Variants in TRPM7 observed in about 807,000 individuals in gnomAD.
The protein encoded by TRPM7 is LTRPC ion channel family member 7.
TRPM7 carries 134 observed loss-of-function variants against 229.7 expected under a neutral mutation model. The ratio of observed to expected loss-of-function variants is 0.58; its 90% CI spans 0.51 to 0.67. The LOEUF (loss-of-function observed/expected upper bound fraction) is 0.67. TRPM7 is among the 30% of genes least tolerant of loss of function. TRPM7 has a pLI of 0.00. For synonymous variants in TRPM7, 699 were observed against 715.2 expected, an observed-to-expected ratio of 0.98 and a Z score of 0.36; for missense variants, 1,901 against 2,210.0, an observed-to-expected ratio of 0.86 and a Z score of 2.80.
At chr15:50,587,966 CTTCT>C (rs962524856) in intron 27 of TRPM7, among the ~76,000 whole-genome samples, 3 of 152,138 alleles carry the variant, frequency 2.0e-5, no homozygotes, top group African/African-American at 7.2e-5. Context: ...TCCCGCTTTT[CTTCT>C]TTCTCTTTTT....
At chr15:50,612,400 ATATATACT>A (rs1274504739) in intron 16 of TRPM7, 141 bp downstream of exon 16, 54 of 530,446 alleles carry the variant, frequency 1.0e-4, no homozygotes, top group Non-Finnish European at 1.4e-4. Context: ...AATTAAAAAA[ATATATACT>A]TATATAATTT....
chr15:50,649,279 A>T (rs1207511093), intron 3 of TRPM7, among the ~76,000 whole-genome samples: 1 of 152,112 alleles, frequency 6.6e-6, no homozygotes, highest in African/African-American at 2.4e-5. Context: ...TTGACAAAAA[A>T]TTTTAAAAAA....
chr15:50,574,759 T>C lies in TRPM7; in HGVS notation c.5020-40A>G, dbSNP rs371499519. On this transcript the variant is annotated intron_variant, in intron 34 of 38. Transcript: ENST00000646667. The stretch of plus-strand genomic sequence containing the variant: ...GTGGGGAGAACCCTTGTTTAATATT[T>C]AAACTAAGATTATATTTGGCTTATT... The C allele has an allele frequency of 9.4e-6, 15 of 1,590,430 alleles. No individual in the cohort carries two copies. The African/African-American group carries it at 1.6e-4, about 17-fold the overall frequency.
intron 28 of TRPM7, among the ~76,000 whole-genome samples, chr15:50,585,804 TA>T (rs575871085): frequency 6.6e-6 from 1 of 152,172 alleles, no homozygotes; most frequent in Non-Finnish European, 1.5e-5. Flanking sequence ...TCTTGACTTA[TA>T]AAAAATTATG....
chr15:50,683,163 C>G (rs1173104609), intron 1 of TRPM7, among the ~76,000 whole-genome samples: 1 of 151,642 alleles, frequency 6.6e-6, no homozygotes, highest in Non-Finnish European at 1.5e-5. Context: ...GCTAGGATTA[C>G]AAGCATGAGC....
In TRPM7 at chr15:50,607,261, G is replaced by A. The variant is rs1446742646; in HGVS notation, c.2648C>T (p.Ser883Leu). ...AGCAATAACAATCCATTCTTGAACTGAAGGTAACTGTTCCATTTGTACAAG... is the reference window on the plus strand; with the variant it reads ...AGCAATAACAATCCATTCTTGAACTAAAGGTAACTGTTCCATTTGTACAAG... Reference protein sequence around the residue: ...VVLVQMEQLPSVQEWIVIAYI... With the variant: ...VVLVQMEQLPLVQEWIVIAYI... The change falls in exon 20 of 39, where the codon TCA becomes TTA. Residue 883 changes from serine to leucine, a missense_variant. By Grantham distance (145) the Ser-to-Leu change is moderately radical. Transcript: ENST00000646667. The A allele has an allele frequency of 6.2e-7, 1 of 1,609,082 alleles. No homozygotes were observed. The highest frequency in any genetic ancestry group is 1.1e-5 in the South Asian group (1 of 89,934).
At chr15:50,667,564 G>T (rs2061912243) in intron 1 of TRPM7, among the ~76,000 whole-genome samples, 1 of 152,094 alleles carries the variant, frequency 6.6e-6, no homozygotes, top group Non-Finnish European at 1.5e-5. Flanking sequence ...AAAATTAGCT[G>T]GGAATGGTGC....
chr15:50,659,824 C>T (rs993721139), intron 2 of TRPM7, among the ~76,000 whole-genome samples: 14 of 152,058 alleles, frequency 9.2e-5, no homozygotes, highest in South Asian at 2.1e-4. Flanking sequence ...CCCACCACCA[C>T]GCCCAGCTAG....
intron 3 of TRPM7, among the ~76,000 whole-genome samples, chr15:50,649,923 A>G (rs529189660): frequency 5.3e-5 from 8 of 152,176 alleles, no homozygotes; most frequent in Non-Finnish European, 1.2e-4. Context: ...GGCCAGGTAC[A>G]GTGGCTCACA....
intron 19 of TRPM7, 27 bp from the exon 20 acceptor site, chr15:50,607,355 A>G (rs2059944791): frequency 2.7e-6 from 4 of 1,497,296 alleles, no homozygotes; most frequent in East Asian, 4.7e-5. Flanking sequence ...GGTTACATAA[A>G]TAACATTGGT....
At chr15:50,651,764 C>T (rs2061426567) in intron 3 of TRPM7, among the ~76,000 whole-genome samples, 1 of 152,002 alleles carries the variant, frequency 6.6e-6, no homozygotes, top group South Asian at 2.1e-4. Context: ...GTGGCAGTCG[C>T]CTGTAATCCC....
chr15:50,588,852 T>G (rs150175979), intron 27 of TRPM7, among the ~76,000 whole-genome samples: 1 of 152,348 alleles, frequency 6.6e-6, no homozygotes, highest in East Asian at 1.9e-4. Context: ...TTGAAACTTA[T>G]TTAACAAACA....
At chr15:50,583,618 C>A (rs1012623575) in intron 28 of TRPM7, among the ~76,000 whole-genome samples, 7 of 147,420 alleles carry the variant, frequency 4.7e-5, no homozygotes, top group Non-Finnish European at 8.9e-5. Flanking sequence ...CTCTTGTTGC[C>A]CAGGCTGGAG....
At chr15:50,635,921 G>T (rs2060888438) in intron 7 of TRPM7, among the ~76,000 whole-genome samples, 1 of 151,844 alleles carries the variant, frequency 6.6e-6, no homozygotes, top group Non-Finnish European at 1.5e-5. Context: ...AGAGGTTGCA[G>T]CGAGGTGAGA....
At chr15:50,637,745 G>A in intron 6 of TRPM7, 152 bp from the exon 7 acceptor site, 1 of 759,182 alleles carries the variant, frequency 1.3e-6, no homozygotes, top group Non-Finnish European at 2.0e-6. Flanking sequence ...GTTTCAAAAA[G>A]CGTAAGCTTT....
intron 11 of TRPM7, among the ~76,000 whole-genome samples, chr15:50,627,050 G>T (rs58029369): frequency 3.9e-5 from 6 of 152,048 alleles, no homozygotes; most frequent in African/African-American, 1.4e-4. Context: ...TTTGTCCTCC[G>T]TAAAGGCTGG....
chr15:50,581,360 G>T (rs1210272352), intron 29 of TRPM7, among the ~76,000 whole-genome samples: 1 of 151,966 alleles, frequency 6.6e-6, no homozygotes, highest in African/African-American at 2.4e-5. Flanking sequence ...TTAGCTGGGC[G>T]TGGTGGCGGG....
At chr15:50,621,298 TG>T (rs2060400362) in intron 12 of TRPM7, among the ~76,000 whole-genome samples, 1 of 152,142 alleles carries the variant, frequency 6.6e-6, no homozygotes, top group African/African-American at 2.4e-5. Context: ...TCTCATATTT[TG>T]GGGGTATTGG....
rs60939201 is a variant in TRPM7 at position 50,638,358 on chromosome 15, CAAAAAAAAAAAAAAAAAAAAAA to C, written c.661-787_661-766del. On this transcript the variant is annotated intron_variant, in intron 6 of 38. Coordinates refer to ENST00000646667, the MANE Select transcript of TRPM7 (RefSeq NM_017672.6). ...TGGGCGACAGAGCGAGACTCCGTCTCAAAAAAAAAAAAAAAAAAAAAAAAAAAAAAAAAAAAAAAAATTAGAT... is the reference window on the plus strand; with the variant it reads ...TGGGCGACAGAGCGAGACTCCGTCTCAAAAAAAAAAAAAAAAAAATTAGAT... 7.1e-4 allele frequency among the ~76,000 whole-genome samples: 30 copies of C among 42,284 alleles called. 1 individual carries two copies. The highest frequency in any genetic ancestry group is 4.8e-3 in the East Asian group (4 of 830). 27.7% of individuals were successfully genotyped at this position (42,284 alleles called of 152,430 possible). A position where few individuals can be genotyped will look rare whatever the true frequency, so the allele number is the denominator to read the frequency against.
Sources: gnomAD v4.1 joint callset for allele counts (sites outside exome capture counted in the v4.1 genomes callset) on GRCh38, gnomAD v4.1.1 for gene constraint, MANE v1.5 for transcripts, NCBI Gene and HGNC (gene_info 2026-07-23, HGNC 2026-07-21) for gene names.